The following ZFPM2 variants were observed in gnomAD, a reference collection of about 807,000 sequenced individuals.
ZFPM2 encodes the protein zinc finger protein ZFPM2.
In ZFPM2, 20 loss-of-function variants were observed where a neutral mutation model predicts 98.6. That is an observed-to-expected ratio of 0.20 (90% CI 0.14 to 0.29). The LOEUF is 0.29. Ranked by LOEUF, ZFPM2 falls within the 10% of genes least tolerant of loss-of-function variation. The probability of loss-of-function intolerance (pLI) is 1.00; values close to 1 mark genes in which losing one functional copy is unlikely to be tolerated. For missense variants in ZFPM2, 1,310 were observed against 1,388.6 expected (o/e 0.94, Z 0.90); for synonymous variants, 518 against 502.7 (o/e 1.03, Z -0.41).
At chr8:105,400,965 T>C (rs2129982297) in intron 1 of ZFPM2, among the ~76,000 whole-genome samples, 1 of 152,090 alleles carries the variant, frequency 6.6e-6, no homozygotes, top group South Asian at 2.1e-4. Flanking sequence ...GTCTTTTTTT[T>C]TTAAGTTTCT....
At chr8:105,687,264 G>A (rs1810761824) in intron 5 of ZFPM2, among the ~76,000 whole-genome samples, 1 of 152,148 alleles carries the variant, frequency 6.6e-6, no homozygotes, top group African/African-American at 2.4e-5. Flanking sequence ...ATATGCTGTT[G>A]TTGTTGAGTC....
chr8:105,575,422 A>G (rs1355529022), intron 4 of ZFPM2, among the ~76,000 whole-genome samples: 1 of 152,118 alleles, frequency 6.6e-6, no homozygotes, highest in Non-Finnish European at 1.5e-5. Flanking sequence ...AGAGGATTCA[A>G]AATGGCTTTG....
Position 105,456,237 on chromosome 8 carries a change from A to G in ZFPM2, c.301+11856A>G, listed in dbSNP as rs1299251536. On this transcript the variant is annotated intron_variant, in intron 3 of 7. Transcript: ENST00000407775. ...GCTGAGATGCCAAGATGGAGATTTAAGAATTTCCTCAAATTTAATGACATT... is the reference window on the plus strand; with the variant it reads ...GCTGAGATGCCAAGATGGAGATTTAGGAATTTCCTCAAATTTAATGACATT... Among the ~76,000 whole-genome samples the G allele has an allele frequency of 2.7e-5, 4 of 150,622 alleles. No individual in the cohort carries two copies. In the East Asian group the frequency reaches 7.9e-4, roughly 30 times the overall value.
chr8:105,636,682 T>C (rs1472842200), intron 5 of ZFPM2, among the ~76,000 whole-genome samples: 2 of 152,128 alleles, frequency 1.3e-5, no homozygotes, highest in Non-Finnish European at 2.9e-5. Context: ...TAAATATAGA[T>C]TGGTTGACCA....
intron 3 of ZFPM2, among the ~76,000 whole-genome samples, chr8:105,445,915 CTTTTCTT>C (rs1288237603): frequency 6.7e-6 from 1 of 150,374 alleles, no homozygotes; most frequent in Admixed American, 6.6e-5. Flanking sequence ...CAGTTCTTTT[CTTTTCTT>C]TTTTCTTTTT....
chr8:105,634,440 A>G (rs1816810521), intron 5 of ZFPM2, 83 bp downstream of exon 5: 5 of 1,065,536 alleles, frequency 4.7e-6, no homozygotes, highest in South Asian at 4.1e-5. Flanking sequence ...GCTGGAATGG[A>G]AGTACAAAGT....
At chr8:105,786,903 A>G (rs549639035) in intron 5 of ZFPM2, among the ~76,000 whole-genome samples, 120 of 152,340 alleles carry the variant, frequency 7.9e-4, no homozygotes, top group Non-Finnish European at 1.6e-3. Flanking sequence ...AGCTGGACTT[A>G]CCAATAATGT....
Position 105,712,812 on chromosome 8 carries a change from G to A in ZFPM2, c.533-75906G>A, listed in dbSNP as rs181335420. ...TGTAAGTAAGAACATGCAATATTTC[G>A]TTTTCTATTTTTGTGTTAATTCACT... On this transcript the variant is annotated intron_variant, in intron 5 of 7. Coordinates refer to ENST00000407775, the MANE Select transcript of ZFPM2 (RefSeq NM_012082.4). Among the ~76,000 whole-genome samples the A allele has an allele frequency of 1.2e-4, 19 of 152,088 alleles. No individual in the cohort carries two copies. In the East Asian group the frequency reaches 2.1e-3, roughly 17 times the overall value.
rs148571712 is a variant in ZFPM2, at chr8:105,366,150, T to C, written c.40+47169T>C. On this transcript the variant is annotated intron_variant, in intron 1 of 7. Transcript: ENST00000407775. ...CTAATTCCGAATGCAGAATGACATA[T>C]TGACTTGTGAACACATTGAATTGAG... Among the ~76,000 whole-genome samples, 697 of 152,300 alleles carry C rather than the reference T, an allele frequency of 4.6e-3. 5 individuals carry two copies. The highest frequency in any genetic ancestry group is 0.016 in the African/African-American group (645 of 41,570).
intron 1 of ZFPM2, among the ~76,000 whole-genome samples, chr8:105,381,157 A>G (rs530674784): frequency 7.0e-6 from 1 of 143,592 alleles, no homozygotes; most frequent in Admixed American, 7.5e-5. Flanking sequence ...ACTCCCACTT[A>G]TGAGTGAGAA....
chr8:105,363,491 C>T (rs1435709297), intron 1 of ZFPM2, among the ~76,000 whole-genome samples: 1 of 152,016 alleles, frequency 6.6e-6, no homozygotes, highest in African/African-American at 2.4e-5. Flanking sequence ...CACCATGTAC[C>T]AAATATTCTA....
chr8:105,541,174 C>A (rs577212256), intron 3 of ZFPM2, among the ~76,000 whole-genome samples: 2 of 152,224 alleles, frequency 1.3e-5, no homozygotes, highest in South Asian at 4.1e-4. Context: ...GTTTTAATGT[C>A]ATCCCTGATG....
chr8:105,535,097 G>A (rs187643191), intron 3 of ZFPM2, among the ~76,000 whole-genome samples: 1 of 152,228 alleles, frequency 6.6e-6, no homozygotes, highest in Admixed American at 6.5e-5. Flanking sequence ...TATCATTGGG[G>A]AATAAATAGA....
chr8:105,694,885 T>G (rs1396174048), intron 5 of ZFPM2, among the ~76,000 whole-genome samples: 1 of 152,210 alleles, frequency 6.6e-6, no homozygotes, highest in Non-Finnish European at 1.5e-5. Flanking sequence ...TTATCAGTGG[T>G]ATTCTAGCAT....
At chr8:105,769,094 C>T (rs566728328) in intron 5 of ZFPM2, among the ~76,000 whole-genome samples, 2 of 152,092 alleles carry the variant, frequency 1.3e-5, no homozygotes, top group African/African-American at 4.8e-5. Flanking sequence ...TTTCTTTCTG[C>T]AAGGATAGTT....
rs61552974 is a variant in ZFPM2, at chr8:105,517,707, C to CACCACACACA, written c.302-43656_302-43655insACCACACACA. On this transcript the variant is annotated intron_variant, in intron 3 of 7. Coordinates refer to ENST00000407775, the MANE Select transcript of ZFPM2 (RefSeq NM_012082.4). ...CACACACACACCACACACACACACA[C>CACCACACACA]CACACACACACACACACACACACAC... Among the ~76,000 whole-genome samples, 966 of 124,940 alleles carry CACCACACACA rather than the reference C, an allele frequency of 7.7e-3. 14 individuals carry two copies. Among genetic ancestry groups the CACCACACACA allele is most frequent in the African/African-American group, 0.027 (820 of 30,166 alleles). The allele number at this position is 124,940 out of a possible 152,430, so 82.0% of individuals were successfully genotyped here.
At chr8:105,782,832 A>C (rs1813289341) in intron 5 of ZFPM2, among the ~76,000 whole-genome samples, 1 of 152,144 alleles carries the variant, frequency 6.6e-6, no homozygotes, top group Non-Finnish European at 1.5e-5. Context: ...AATATGGATT[A>C]GTGTATTGAA....
intron 5 of ZFPM2, among the ~76,000 whole-genome samples, chr8:105,668,887 T>A (rs1404160707): frequency 6.6e-6 from 1 of 152,072 alleles, no homozygotes; most frequent in Non-Finnish European, 1.5e-5. Context: ...CCTAGCAGAG[T>A]TTAGAAGGTT....
At chr8:105,450,143 A>G (rs116752829) in intron 3 of ZFPM2, among the ~76,000 whole-genome samples, 108 of 152,220 alleles carry the variant, frequency 7.1e-4, no homozygotes, top group African/African-American at 2.5e-3. Context: ...GTTGCTTTAT[A>G]CAGTTGCTGT....
Sources: allele counts gnomAD v4.1 joint callset (sites outside exome capture counted in the v4.1 genomes callset), GRCh38; gene constraint gnomAD v4.1.1; transcripts MANE v1.5; gene names NCBI Gene and HGNC (gene_info 2026-07-23, HGNC 2026-07-21).